Variants in INTS4 observed in about 807,000 individuals in gnomAD.
INTS4 encodes integrator complex subunit 4, also known as MSTP093.
In INTS4, 70 loss-of-function variants were observed where a neutral mutation model predicts 119.5. That is an observed-to-expected ratio of 0.59 (90% CI 0.48 to 0.71). The LOEUF (loss-of-function observed/expected upper bound fraction) is 0.71, where lower values mean the gene tolerates loss of function less well. Ranked by LOEUF, INTS4 falls within the 30% of genes least tolerant of loss-of-function variation. The pLI is 0.00. For synonymous variants in INTS4, 316 were observed against 419.6 expected, an observed-to-expected ratio of 0.75 and a Z score of 3.02; for missense variants, 867 against 1,173.2, an observed-to-expected ratio of 0.74 and a Z score of 3.81.
intron 12 of INTS4, among the ~76,000 whole-genome samples, chr11:77,922,956 G>A (rs1953399066): frequency 6.6e-6 from 1 of 152,198 alleles, no homozygotes; most frequent in Non-Finnish European, 1.5e-5. Flanking sequence ...AAAGAGCAAT[G>A]CATGAAAGGG....
intron 2 of INTS4, among the ~76,000 whole-genome samples, chr11:77,985,235 G>A (rs1414950593): frequency 3.9e-5 from 6 of 152,148 alleles, no homozygotes; most frequent in African/African-American, 1.4e-4. Flanking sequence ...CCCTCAGAGT[G>A]ACATTTCTAA....
chr11:77,959,501 AAC>A (rs961387088), intron 6 of INTS4, among the ~76,000 whole-genome samples: 21 of 151,954 alleles, frequency 1.4e-4, no homozygotes, highest in African/African-American at 4.3e-4. Flanking sequence ...CTAGATTACT[AAC>A]AGAGTCTTAC....
intron 4 of INTS4, among the ~76,000 whole-genome samples, chr11:77,974,226 A>G (rs1855851700): frequency 7.1e-6 from 1 of 140,310 alleles, no homozygotes. Flanking sequence ...ATTGGTATAT[A>G]ATTTTTCTTT....
At chr11:77,884,654 G>A in intron 21 of INTS4, 1 of 222,578 alleles carries the variant, frequency 4.5e-6, no homozygotes, top group South Asian at 5.8e-5. Context: ...TTGAAACTGT[G>A]GTCAATGTTG....
intron 18 of INTS4, chr11:77,900,674 T>C (rs1275455907): frequency 1.5e-6 from 1 of 689,212 alleles, no homozygotes; most frequent in Non-Finnish European, 2.6e-6. Context: ...TGCACCTTTA[T>C]TTTATGAAAT....
intron 20 of INTS4, 58 bp downstream of exon 20, chr11:77,891,623 G>C (rs1952270652): frequency 4.4e-6 from 7 of 1,582,956 alleles, no homozygotes; most frequent in Non-Finnish European, 6.0e-6. Context: ...GATCACCAAG[G>C]TAAAGATTTT....
chr11:77,965,502 T>C (rs1191358972), intron 4 of INTS4, among the ~76,000 whole-genome samples: 3 of 152,164 alleles, frequency 2.0e-5, no homozygotes, highest in Admixed American at 2.0e-4. Context: ...TTACTACCAC[T>C]CCTAGCCTCT....
chr11:77,905,724 C>T (rs1215559972), intron 16 of INTS4, among the ~76,000 whole-genome samples: 1 of 152,210 alleles, frequency 6.6e-6, no homozygotes, highest in Admixed American at 6.5e-5. Context: ...CCATCAATCT[C>T]GTCAAAAGAC....
At chr11:77,916,817 T>C (rs1343345110) in intron 15 of INTS4, among the ~76,000 whole-genome samples, 1 of 152,266 alleles carries the variant, frequency 6.6e-6, no homozygotes, top group East Asian at 1.9e-4. Context: ...GCATCTATGC[T>C]TCTCTTCACT....
At chr11:77,979,213 G>GT in intron 3 of INTS4, 111 bp from the exon 4 acceptor site, 1 of 601,652 alleles carries the variant, frequency 1.7e-6, no homozygotes, top group Non-Finnish European at 3.1e-6. Context: ...ACTCACAACT[G>GT]TAATCCCAGC....
rs116291465 is a variant in INTS4 at position 77,982,310 on chromosome 11, T to A, written c.247-734A>T. Among the ~76,000 whole-genome samples, 670 of 152,108 alleles carry A rather than the reference T, an allele frequency of 4.4e-3. 3 individuals are homozygous for A. The highest frequency in any genetic ancestry group is 0.015 in the African/African-American group (627 of 41,502). On this transcript the variant is annotated intron_variant, in intron 2 of 22. Coordinates refer to ENST00000534064, the MANE Select transcript of INTS4 (RefSeq NM_033547.4). ...GCTACCACACCTGGCTACTTTTTTTTAATTTTTAGTAGAGATGAGCTTTTG... is the reference window on the plus strand; with the variant it reads ...GCTACCACACCTGGCTACTTTTTTTAAATTTTTAGTAGAGATGAGCTTTTG...
In INTS4 at chr11:77,961,059, A is replaced by G. The variant is rs1954458623; in HGVS notation, c.551T>C (p.Val184Ala). The change falls in exon 5 of 23, where the codon GTC (valine) becomes GCC (alanine). Residue 184 changes from valine (V) to alanine (A), a missense_variant. Val to Ala is a moderately conservative substitution (Grantham distance 64, BLOSUM62 0). Transcript: ENST00000534064. ...LGNLGSLEKS[V>A]TKDAEGLAAR... Reference sequence around the variant, plus strand: ...AGCTAGGCCTTCTGCATCTTTTGTGACACTTTTCTCCAAAGAGCCAAGATT... The same window carrying G: ...AGCTAGGCCTTCTGCATCTTTTGTGGCACTTTTCTCCAAAGAGCCAAGATT... 6.2e-7 allele frequency: 1 copy of G among 1,612,786 alleles called. No homozygotes were observed. The highest frequency in any genetic ancestry group is 8.5e-7 in the Non-Finnish European group (1 of 1,179,772).
rs1040617436 is a variant in INTS4 at position 77,964,284 on chromosome 11, T to C, written c.472-3146A>G. On this transcript the variant is annotated intron_variant, in intron 4 of 22. Coordinates refer to ENST00000534064, the MANE Select transcript of INTS4 (RefSeq NM_033547.4). ...AGTAACATCCTGTATTTAAAAATTA[T>C]TGGCCGGGTGCAGTGGCTCACACCT... is the stretch of plus-strand genomic sequence containing the variant. 2.6e-4 allele frequency among the ~76,000 whole-genome samples: 40 copies of C among 152,236 alleles called. 3 individuals carry two copies. In the South Asian group the frequency reaches 2.7e-3, roughly 10 times the overall value.
At position 77,962,315 on chromosome 11, in the gene INTS4, T is replaced by C. The variant is rs560272217; in HGVS notation, c.472-1177A>G. 4.3e-4 allele frequency among the ~76,000 whole-genome samples: 65 copies of C among 152,362 alleles called. 1 individual carries two copies. The South Asian group carries it at 0.013, about 31-fold the overall frequency. ...GAAGATATTGCCAAATAGTTTTCCA[T>C]AATGGCTGTACTAATTTACACTTCC... On this transcript the variant is annotated intron_variant, in intron 4 of 22. Coordinates refer to ENST00000534064, the MANE Select transcript of INTS4 (RefSeq NM_033547.4).
rs1842640316 is a variant in INTS4 at position 77,961,074 on chromosome 11, G to C, written c.536C>G (p.Ser179Cys). The C allele has an allele frequency of 1.2e-6, 2 of 1,605,860 alleles. No homozygotes were observed. Among genetic ancestry groups the C allele is most frequent in the Admixed American group, 3.4e-5 (2 of 58,654 alleles). ...ATCTTTTGTGACACTTTTCTCCAAA[G>C]AGCCAAGATTGCCAAGTAACTGCAG... ...KCLQLLGNLG[S>C]LEKSVTKDAE... is the part of the protein sequence containing the mutation. Residue 179 changes from serine to cysteine, a missense_variant, in exon 5 of 23, where the codon TCT (serine) becomes TGT (cysteine). Ser to Cys is a moderately radical substitution (Grantham distance 112). Around this residue, in one of 5 missense-constraint regions of INTS4, gnomAD observed 224 missense variants for 231.8 expected, o/e 0.97. Transcript: ENST00000534064.
intron 8 of INTS4, among the ~76,000 whole-genome samples, chr11:77,946,823 A>C (rs540685631): frequency 6.6e-6 from 1 of 151,694 alleles, no homozygotes; most frequent in South Asian, 2.1e-4. Flanking sequence ...CACTTACAAA[A>C]TGCCTGAAAA....
intron 2 of INTS4, among the ~76,000 whole-genome samples, chr11:77,981,790 T>A (rs1000784758): frequency 1.3e-5 from 2 of 150,992 alleles, no homozygotes; most frequent in African/African-American, 2.5e-5. Context: ...TGAGATGGAG[T>A]TTTAATCTGT....
intron 16 of INTS4, among the ~76,000 whole-genome samples, chr11:77,907,349 C>T (rs1205870955): frequency 2.0e-5 from 3 of 152,178 alleles, no homozygotes; most frequent in African/African-American, 7.2e-5. Flanking sequence ...GCTAAGATTA[C>T]AGGTGTGAGC....
At chr11:77,897,351 A>C (rs1232077048) in intron 18 of INTS4, among the ~76,000 whole-genome samples, 1 of 151,366 alleles carries the variant, frequency 6.6e-6, no homozygotes, top group East Asian at 1.9e-4. Flanking sequence ...AATAAAAAAT[A>C]TTTTATAAAA....
Sources: allele counts gnomAD v4.1 joint callset (sites outside exome capture counted in the v4.1 genomes callset), GRCh38; gene constraint gnomAD v4.1.1; regional missense constraint gnomAD v4.1.1; transcripts MANE v1.5; gene names NCBI Gene and HGNC (gene_info 2026-07-23, HGNC 2026-07-21).